The following NBEA variants were observed in gnomAD, a reference collection of about 807,000 sequenced individuals.
NBEA encodes lysosomal-trafficking regulator 2.
In NBEA, 44 loss-of-function variants were observed where a neutral mutation model predicts 343.4. That is an observed-to-expected ratio of 0.13 (90% CI 0.10 to 0.16). The LOEUF (loss-of-function observed/expected upper bound fraction) is 0.16, where lower values mean the gene tolerates loss of function less well. Ranked by LOEUF, NBEA falls within the 10% of genes least tolerant of loss-of-function variation. The pLI is 1.00. For synonymous variants in NBEA, 1,175 were observed against 1,238.7 expected (o/e 0.95, Z 1.08); for missense variants, 2,555 against 3,631.3 (o/e 0.70, Z 7.62).
At chr13:35,385,113 T>G (rs2042182583) in intron 38 of NBEA, among the ~76,000 whole-genome samples, 1 of 152,218 alleles carries the variant, frequency 6.6e-6, no homozygotes. Context: ...TAAATCTTTT[T>G]TAGTCTCTGC....
At chr13:35,501,997 T>C (rs1241643885) in intron 41 of NBEA, among the ~76,000 whole-genome samples, 1 of 152,112 alleles carries the variant, frequency 6.6e-6, no homozygotes, top group Non-Finnish European at 1.5e-5. Flanking sequence ...AAAAATATTT[T>C]TGAAGCACCT....
At chr13:35,395,405 T>G (rs1237652740) in intron 38 of NBEA, among the ~76,000 whole-genome samples, 1 of 152,090 alleles carries the variant, frequency 6.6e-6, no homozygotes, top group African/African-American at 2.4e-5. Context: ...ATGTAAGACG[T>G]GTCTGCTTCC....
intron 51 of NBEA, among the ~76,000 whole-genome samples, chr13:35,647,088 A>G (rs1433108739): frequency 1.3e-5 from 2 of 152,358 alleles, no homozygotes; most frequent in African/African-American, 2.4e-5. Flanking sequence ...CAAGGGAGTC[A>G]TATTCTTTTC....
At position 35,668,536 on chromosome 13, in the gene NBEA, A is replaced by G. The variant is rs756704314; in HGVS notation, c.8813+17A>G. On this transcript the variant is annotated intron_variant, in intron 58 of 58. Transcript: ENST00000379939. ...TGACCAGAGGTGAGCTGCGTCAAGG[A>G]CAAGTATCATCACTGAGAACTGTCA... The G allele has an allele frequency of 6.4e-7, 1 of 1,567,996 alleles. No homozygotes were observed. The highest frequency in any genetic ancestry group is 2.3e-5 in the East Asian group (1 of 43,620).
intron 13 of NBEA, among the ~76,000 whole-genome samples, chr13:35,111,304 C>T (rs554542204): frequency 1.3e-5 from 2 of 151,858 alleles, no homozygotes; most frequent in South Asian, 4.2e-4. Context: ...ACATCAGTTG[C>T]TTTCAACATT....
At chr13:35,503,076 G>C (rs891740278) in intron 41 of NBEA, among the ~76,000 whole-genome samples, 2 of 151,834 alleles carry the variant, frequency 1.3e-5, no homozygotes, top group African/African-American at 4.8e-5. Flanking sequence ...ATATAAATTC[G>C]AAGGTATATT....
chr13:35,318,482 G>A (rs1198728094), intron 36 of NBEA, among the ~76,000 whole-genome samples: 1 of 152,174 alleles, frequency 6.6e-6, no homozygotes, highest in South Asian at 2.1e-4. Context: ...GCTTTTTGAT[G>A]TGCTGTTGGA....
At chr13:35,502,663 T>C (rs959331460) in intron 41 of NBEA, among the ~76,000 whole-genome samples, 1 of 152,106 alleles carries the variant, frequency 6.6e-6, no homozygotes, top group Non-Finnish European at 1.5e-5. Context: ...CTATGGTAGC[T>C]TGAAATCTGC....
intron 1 of NBEA, among the ~76,000 whole-genome samples, chr13:34,980,442 T>C (rs1338163619): frequency 8.5e-6 from 1 of 118,082 alleles, no homozygotes; most frequent in Admixed American, 1.1e-4. Flanking sequence ...TTTTATTACA[T>C]TTTTATTACA....
intron 55 of NBEA, among the ~76,000 whole-genome samples, chr13:35,664,497 A>G (rs2085254469): frequency 1.3e-5 from 2 of 152,264 alleles, no homozygotes; most frequent in South Asian, 4.1e-4. Context: ...AAAAATATAG[A>G]ACTTTTTACA....
chr13:35,475,187 G>C (rs1238058049), intron 41 of NBEA: 2 of 1,613,918 alleles, frequency 1.2e-6, no homozygotes, highest in Non-Finnish European at 1.7e-6. Flanking sequence ...AGAAAGTAGT[G>C]GGGACACCGC....
intron 39 of NBEA, among the ~76,000 whole-genome samples, chr13:35,437,188 G>A (rs1445445839): frequency 6.6e-6 from 1 of 152,040 alleles, no homozygotes; most frequent in Non-Finnish European, 1.5e-5. Context: ...GCATTTTCAT[G>A]TGATGGGAAG....
chr13:35,441,195 T>C (rs1288553875), intron 39 of NBEA, among the ~76,000 whole-genome samples: 1 of 152,190 alleles, frequency 6.6e-6, no homozygotes, highest in African/African-American at 2.4e-5. Context: ...TTAAAGTGAA[T>C]TGTCCACATT....
rs535894347 is a variant in NBEA at position 35,351,872 on chromosome 13, T to C, written c.6013-285T>C. On this transcript the variant is annotated intron_variant, in intron 37 of 58. Transcript: ENST00000379939. ...GTAGGTTTACATTTATAGTAAATAT[T>C]TGTGCTTCTAAAATACATGAAAATT... is the stretch of plus-strand genomic sequence containing the variant. Among the ~76,000 whole-genome samples, 9 of 152,186 alleles carry C rather than the reference T, an allele frequency of 5.9e-5. No individual in the cohort carries two copies. The South Asian group carries it at 1.2e-3, about 21-fold the overall frequency.
At chr13:35,118,182 A>C (rs761806486) in intron 14 of NBEA, 46 bp from the exon 15 acceptor site, 2 of 1,226,262 alleles carry the variant, frequency 1.6e-6, no homozygotes, top group African/African-American at 3.1e-5. Flanking sequence ...TTAAATTAAA[A>C]TTTTAATTTT....
chr13:35,409,239 G>A (rs929744855), intron 38 of NBEA, among the ~76,000 whole-genome samples: 2 of 151,848 alleles, frequency 1.3e-5, no homozygotes, highest in Non-Finnish European at 2.9e-5. Context: ...CAAACTAACA[G>A]GCACACAAAA....
intron 4 of NBEA, among the ~76,000 whole-genome samples, chr13:35,046,576 TG>T (rs2062864857): frequency 6.6e-6 from 1 of 152,196 alleles, no homozygotes; most frequent in South Asian, 2.1e-4. Context: ...ATACATACTA[TG>T]GTTTTTTCCT....
chr13:35,165,063 A>G (rs767019655), intron 24 of NBEA: 1 of 533,880 alleles, frequency 1.9e-6, no homozygotes, highest in Non-Finnish European at 3.9e-6. Context: ...GATGGGAAAG[A>G]ATATAGAATT....
intron 33 of NBEA, among the ~76,000 whole-genome samples, chr13:35,218,786 G>A: frequency 6.6e-6 from 1 of 151,800 alleles, no homozygotes; most frequent in Non-Finnish European, 1.5e-5. Context: ...TGTTAACATG[G>A]TATACTATAT....
Sources: gnomAD v4.1 joint callset for allele counts (sites outside exome capture counted in the v4.1 genomes callset) on GRCh38, gnomAD v4.1.1 for gene constraint, MANE v1.5 for transcripts, NCBI Gene and HGNC (gene_info 2026-07-23, HGNC 2026-07-21) for gene names.